The following PPAT variants were observed in gnomAD, a reference collection of about 807,000 sequenced individuals.
PPAT encodes amidophosphoribosyltransferase.
PPAT carries 20 observed loss-of-function variants against 60.2 expected under a neutral mutation model. The observed-to-expected ratio is 0.33, with a 90% confidence interval of 0.23 to 0.48. PPAT has a LOEUF of 0.48. Ranked by LOEUF, PPAT falls within the 20% of genes least tolerant of loss-of-function variation. The probability of loss-of-function intolerance (pLI) is 0.99; values close to 1 mark genes in which losing one functional copy is unlikely to be tolerated. For missense variants in PPAT, 349 were observed against 629.6 expected (o/e 0.55, Z 4.77); for synonymous variants, 194 against 215.1 (o/e 0.90, Z 0.86).
chr4:56,413,848 G>A (rs1716589753), intron 1 of PPAT, among the ~76,000 whole-genome samples: 1 of 152,112 alleles, frequency 6.6e-6, no homozygotes, highest in Non-Finnish European at 1.5e-5. Context: ...AGTGAGCCAA[G>A]ATCACACCAC....
At position 56,435,207 on chromosome 4, in the gene PPAT, G is replaced by A. The variant is rs1332182701; in HGVS notation, c.128+143C>T. On this transcript the variant is annotated intron_variant, in intron 1 of 10. Coordinates refer to ENST00000264220, the MANE Select transcript of PPAT (RefSeq NM_002703.5). ...CCCCTCGTGCACGCCTAGGCAACCC[G>A]GTCGACGCCACAGGCAGGTACTGGC... The A allele has an allele frequency of 3.2e-6, 4 of 1,250,542 alleles. No homozygotes were observed. In the South Asian group the frequency reaches 4.3e-5, roughly 13 times the overall value. The allele number at this position is 1,250,542 out of a possible 1,614,324, so 77.5% of individuals were successfully genotyped here. A position where few individuals can be genotyped will look rare whatever the true frequency, so the allele number is the denominator to read the frequency against.
At chr4:56,399,484 T>A in intron 8 of PPAT, 84 bp from the exon 9 acceptor site, 1 of 1,032,396 alleles carries the variant, frequency 9.7e-7, no homozygotes, top group South Asian at 1.9e-5. Context: ...GCCGCCACAA[T>A]ATTCAAGTAA....
At chr4:56,427,261 T>C (rs748173819) in intron 1 of PPAT, among the ~76,000 whole-genome samples, 7 of 152,218 alleles carry the variant, frequency 4.6e-5, no homozygotes, top group Non-Finnish European at 8.8e-5. Context: ...AAATTGTTGA[T>C]CATATGGTAA....
intron 1 of PPAT, among the ~76,000 whole-genome samples, chr4:56,433,782 C>G (rs962924902): frequency 6.6e-6 from 1 of 151,838 alleles, no homozygotes; most frequent in Non-Finnish European, 1.5e-5. Flanking sequence ...GGAACCTAAG[C>G]CTCCCGGGTT....
chr4:56,424,549 T>C (rs2110062589), intron 1 of PPAT, among the ~76,000 whole-genome samples: 1 of 152,338 alleles, frequency 6.6e-6, no homozygotes, highest in South Asian at 2.1e-4. Flanking sequence ...AATCATAGAC[T>C]GCTCAGGCTA....
intron 1 of PPAT, chr4:56,425,556 T>A (rs537792427): frequency 1.2e-5 from 2 of 171,500 alleles, no homozygotes; most frequent in East Asian, 3.8e-4. Context: ...TTTAAGAAGC[T>A]GTGGCATAAT....
intron 9 of PPAT, among the ~76,000 whole-genome samples, chr4:56,397,747 A>G (rs1475258927): frequency 6.6e-6 from 1 of 152,168 alleles, no homozygotes; most frequent in Non-Finnish European, 1.5e-5. Context: ...ATTTTTTTCA[A>G]GACATAAAGT....
chr4:56,406,510 A>G lies in PPAT; in HGVS notation c.387T>C (p.Ala129=). The G allele has an allele frequency of 1.9e-6, 3 of 1,611,968 alleles. No homozygotes were observed. Among genetic ancestry groups the G allele is most frequent in the Non-Finnish European group, 2.5e-6 (3 of 1,179,682 alleles). ...VAHNGELVNA[A]RLRKKLLRHG... ...ACAAACGTACCTTTTTCCTTAATCG[A>G]GCAGCATTTACCAATTCGCCATTAT... Residue 129 remains alanine (A), a synonymous_variant, in exon 3 of 11, where the codon GCT becomes GCC. Transcript: ENST00000264220.
chr4:56,402,820 CAAAAAAAAAAAAAAAAA>C (rs556899549), intron 5 of PPAT, among the ~76,000 whole-genome samples: 1 of 44,026 alleles, frequency 2.3e-5, no homozygotes, highest in Non-Finnish European at 4.2e-5. Context: ...ACTCGGTCTC[CAAAAAAAAAAAAAAAAA>C]AAAAAAAAAA....
At chr4:56,415,700 C>A (rs1716693805) in intron 1 of PPAT, among the ~76,000 whole-genome samples, 1 of 152,152 alleles carries the variant, frequency 6.6e-6, no homozygotes, top group South Asian at 2.1e-4. Context: ...GCAGGACCTA[C>A]TCTTTTACAT....
intron 1 of PPAT, among the ~76,000 whole-genome samples, chr4:56,414,752 T>C (rs1716634825): frequency 6.6e-6 from 1 of 152,220 alleles, no homozygotes; most frequent in African/African-American, 2.4e-5. Context: ...ACCCTGCCTT[T>C]ATTTACTGCT....
In PPAT at chr4:56,394,168, A is replaced by G. The variant is rs1715904742; in HGVS notation, c.*1184T>C. On this transcript the variant is annotated 3_prime_UTR_variant, in exon 11 of 11. Coordinates refer to ENST00000264220, the MANE Select transcript of PPAT (RefSeq NM_002703.5). The stretch of plus-strand genomic sequence containing the variant: ...TCTAATCTCAGATGTTACAAGAAAA[A>G]ACTTCAAAAAAGAAATCAAATTCAT... 1 of 152,154 alleles carries G rather than the reference A, an allele frequency of 6.6e-6. No homozygotes were observed. The highest frequency in any genetic ancestry group is 6.5e-5 in the Admixed American group (1 of 15,274). 9.4% of individuals were successfully genotyped at this position (152,154 alleles called of 1,614,324 possible).
At chr4:56,434,119 T>C (rs1008296999) in intron 1 of PPAT, among the ~76,000 whole-genome samples, 4 of 152,230 alleles carry the variant, frequency 2.6e-5, no homozygotes, top group Non-Finnish European at 4.4e-5. Flanking sequence ...AAATCTATTA[T>C]GGTCAACCCA....
intron 1 of PPAT, among the ~76,000 whole-genome samples, chr4:56,416,977 C>G (rs1578127133): frequency 6.6e-6 from 1 of 152,038 alleles, no homozygotes. Flanking sequence ...AGCCTCCTGA[C>G]TAGCTGGGAT....
In PPAT at chr4:56,435,226, T is replaced by C. The variant is rs547598547; in HGVS notation, c.128+124A>G. 75 of 1,403,848 alleles carry C rather than the reference T, an allele frequency of 5.3e-5. No individual in the cohort carries two copies. In the African/African-American group the frequency reaches 9.8e-4, roughly 18 times the overall value. The allele number at this position is 1,403,848 out of a possible 1,614,324, so 87.0% of individuals were successfully genotyped here. On this transcript the variant is annotated intron_variant, in intron 1 of 10. Coordinates refer to ENST00000264220, the MANE Select transcript of PPAT (RefSeq NM_002703.5). ...CAACCCGGTCGACGCCACAGGCAGG[T>C]ACTGGCTTAGGTCGGAGAGGTCGGT...
chr4:56,417,148 C>A (rs779411241), intron 1 of PPAT, among the ~76,000 whole-genome samples: 1 of 152,100 alleles, frequency 6.6e-6, no homozygotes, highest in Non-Finnish European at 1.5e-5. Context: ...TGCACCCGGC[C>A]GCTTCTAATT....
intron 1 of PPAT, chr4:56,410,874 G>T (rs1048822610): frequency 1.6e-6 from 1 of 644,362 alleles, no homozygotes; most frequent in African/African-American, 2.7e-5. Flanking sequence ...CTCAGCCCAA[G>T]TACAGCCCCA....
intron 9 of PPAT, among the ~76,000 whole-genome samples, chr4:56,398,134 C>T (rs373966984): frequency 1.3e-5 from 2 of 152,030 alleles, no homozygotes; most frequent in East Asian, 3.9e-4. Flanking sequence ...TTTGAGAGGC[C>T]GAGGCAGGTG....
intron 1 of PPAT, among the ~76,000 whole-genome samples, chr4:56,412,911 G>T (rs1716535588): frequency 6.6e-6 from 1 of 151,906 alleles, no homozygotes; most frequent in Non-Finnish European, 1.5e-5. Context: ...TTAACATTTT[G>T]GTTGCATTAA....
Sources: gnomAD v4.1 joint callset for allele counts (sites outside exome capture counted in the v4.1 genomes callset) on GRCh38, gnomAD v4.1.1 for gene constraint, MANE v1.5 for transcripts, NCBI Gene and HGNC (gene_info 2026-07-23, HGNC 2026-07-21) for gene names.